The following PRDM1 variants were observed in gnomAD, a reference collection of about 807,000 sequenced individuals.
PRDM1 encodes PR/SET domain 1, also known as PR domain zinc finger protein 1.
In PRDM1, 13 loss-of-function variants were observed where a neutral mutation model predicts 62.8. The ratio of observed to expected loss-of-function variants is 0.21; its 90% CI spans 0.13 to 0.33. PRDM1 has a LOEUF of 0.33. Among genes scored for constraint, PRDM1 ranks in the 10% least tolerant of loss-of-function variants. PRDM1 has a pLI of 1.00. For missense variants in PRDM1, 895 were observed against 1,058.8 expected (o/e 0.85, Z 2.15); for synonymous variants, 396 against 417.6 (o/e 0.95, Z 0.63).
chr6:106,036,244 G>A (rs935422737), intron 1 of PRDM1, among the ~76,000 whole-genome samples: 1 of 152,030 alleles, frequency 6.6e-6, no homozygotes, highest in Admixed American at 6.6e-5. Flanking sequence ...TCCGTCCTAA[G>A]TTCAAGTGAT....
chr6:106,063,052 T>G (rs1044452675), intron 1 of PRDM1, among the ~76,000 whole-genome samples: 9 of 152,204 alleles, frequency 5.9e-5, no homozygotes, highest in African/African-American at 2.2e-4. Context: ...TTTCGTTGTG[T>G]TGTTTTCCTG....
Position 106,106,529 on chromosome 6 carries a change from G to T in PRDM1, c.1902+30G>T. 1 of 1,613,078 alleles carries T rather than the reference G, an allele frequency of 6.2e-7. No homozygotes were observed. The highest frequency in any genetic ancestry group is 1.1e-5 in the South Asian group (1 of 91,002). Reference sequence around the variant, plus strand: ...GCAGTATTTTCTGGGTAGACCTTCTGACCTTTGTAGAAAATGTCTGTGAGT... The same window carrying T: ...GCAGTATTTTCTGGGTAGACCTTCTTACCTTTGTAGAAAATGTCTGTGAGT... On this transcript the variant is annotated intron_variant, in intron 6 of 6. Coordinates refer to ENST00000369096, the MANE Select transcript of PRDM1 (RefSeq NM_001198.4). This position sits in a 1 kb window ranked among gnomAD's most constrained non-coding sequence, Gnocchi z 4.4.
chr6:106,105,042 C>T lies in PRDM1; in HGVS notation c.882C>T (p.Tyr294=), dbSNP rs1774413341. 1 of 1,614,188 alleles carries T rather than the reference C, an allele frequency of 6.2e-7. No homozygotes were observed. The highest frequency in any genetic ancestry group is 2.2e-5 in the East Asian group (1 of 44,874). ...GTGGGAGCCCCGAAATGCCCTTCTA[C>T]CCTCGGGTCGTTTACCCCATCCGGG... is the stretch of plus-strand genomic sequence containing the variant. ...RRRGSPEMPF[Y]PRVVYPIRAP... is the part of the protein sequence containing the mutation. The change falls in exon 5 of 7, where the codon TAC becomes TAT. Residue 294 remains tyrosine (Y), a synonymous_variant. Coordinates refer to ENST00000369096, the MANE Select transcript of PRDM1 (RefSeq NM_001198.4).
intron 1 of PRDM1, among the ~76,000 whole-genome samples, chr6:106,005,875 G>T (rs995145815): frequency 6.6e-6 from 1 of 152,064 alleles, no homozygotes; most frequent in South Asian, 2.1e-4. Flanking sequence ...AAAACTTTAC[G>T]GTTAGATATC....
At position 106,108,521 on chromosome 6, in the gene PRDM1, CTTT is replaced by C. The variant is rs5878868; in HGVS notation, c.*1054_*1056del. The C allele has an allele frequency of 0.023, 3,328 of 143,974 alleles. No homozygotes were observed. Among genetic ancestry groups the C allele is most frequent in the East Asian group, 0.079 (896 of 11,344 alleles). 8.9% of individuals were successfully genotyped at this position (143,974 alleles called of 1,614,324 possible). On this transcript the variant is annotated 3_prime_UTR_variant, in exon 7 of 7. Coordinates refer to ENST00000369096, the MANE Select transcript of PRDM1 (RefSeq NM_001198.4). ...GGTGTTTTGTTGTTGGTTTTTGTTG[CTTT>C]TTTTTTTTTTTTTTTTTTAATGTCA...
intron 1 of PRDM1, among the ~76,000 whole-genome samples, chr6:106,038,012 G>GTTTTT (rs1302119750): frequency 1.5e-4 from 3 of 20,524 alleles, no homozygotes; most frequent in Non-Finnish European, 2.8e-4. Context: ...TGCTATTTTT[G>GTTTTT]TCTTTTTTTT....
intron 2 of PRDM1, among the ~76,000 whole-genome samples, chr6:106,090,175 A>G (rs1434801203): frequency 6.6e-6 from 1 of 152,176 alleles, no homozygotes; most frequent in Non-Finnish European, 1.5e-5. Flanking sequence ...ATTATGCTAC[A>G]CTGGCCCCTC....
At chr6:106,035,235 G>A (rs922421221) in intron 1 of PRDM1, among the ~76,000 whole-genome samples, 4 of 152,106 alleles carry the variant, frequency 2.6e-5, no homozygotes, top group African/African-American at 4.8e-5. Flanking sequence ...GTTACTAGGT[G>A]TTTAAATGTT....
chr6:106,068,781 T>C (rs1773470771), intron 1 of PRDM1, among the ~76,000 whole-genome samples: 1 of 152,230 alleles, frequency 6.6e-6, no homozygotes. Context: ...CAGGCATTTT[T>C]CTTTCCCCAC....
chr6:106,090,186 T>G (rs1451788372), intron 2 of PRDM1, among the ~76,000 whole-genome samples: 1 of 152,238 alleles, frequency 6.6e-6, no homozygotes, highest in African/African-American at 2.4e-5. Context: ...CTGGCCCCTC[T>G]TGGTGTCACT....
At chr6:106,005,997 ACT>A (rs1436173828) in intron 1 of PRDM1, among the ~76,000 whole-genome samples, 1 of 152,140 alleles carries the variant, frequency 6.6e-6, no homozygotes, top group East Asian at 1.9e-4. Flanking sequence ...TGGTTTTGTG[ACT>A]CTAGATGAGG....
upstream of PRDM1, among the ~76,000 whole-genome samples, chr6:106,082,750 AG>A (rs1773714309): frequency 6.6e-6 from 1 of 152,196 alleles, no homozygotes; most frequent in Non-Finnish European, 1.5e-5. Flanking sequence ...AACATCCAAC[AG>A]CCCCTGAAGG....
At chr6:106,082,237 G>A (rs1773706645), upstream of PRDM1, among the ~76,000 whole-genome samples, 1 of 152,200 alleles carries the variant, frequency 6.6e-6, no homozygotes, top group Admixed American at 6.5e-5. Flanking sequence ...AGGTTAGGAA[G>A]TGTCTTCTGA....
At chr6:106,019,507 GA>G (rs766098511) in intron 1 of PRDM1, among the ~76,000 whole-genome samples, 23 of 151,452 alleles carry the variant, frequency 1.5e-4, no homozygotes, top group Admixed American at 5.9e-4. Flanking sequence ...ATGCCAAAAA[GA>G]AGCTAGCTAA....
intron 1 of PRDM1, among the ~76,000 whole-genome samples, chr6:106,069,959 A>G (rs1413023012): frequency 2.0e-5 from 3 of 152,324 alleles, no homozygotes; most frequent in African/African-American, 7.2e-5. Context: ...AAATAGATTT[A>G]ATGCAATTCT....
Position 105,994,494 on chromosome 6 carries a change from C to G in PRDM1, c.-67+855C>G, listed in dbSNP as rs1455001385. Among the ~76,000 whole-genome samples, 1 of 152,152 alleles carries G rather than the reference C, an allele frequency of 6.6e-6. No individual in the cohort carries two copies. The highest frequency in any genetic ancestry group is 2.4e-5 in the African/African-American group (1 of 41,436). On this transcript the variant is annotated intron_variant, in intron 1 of 6. Transcript: ENST00000652320. The surrounding 1 kb of genome is among the most constrained non-coding windows in gnomAD (Gnocchi z 4.1). ...TTCTTGTTCTCCGAGCTCGAGCCCC[C>G]TTTTAAAAAGTCGCTCACCAAAAAC...
chr6:106,006,558 G>A (rs1772485863), intron 1 of PRDM1, among the ~76,000 whole-genome samples: 1 of 151,770 alleles, frequency 6.6e-6, no homozygotes, highest in African/African-American at 2.4e-5. Context: ...ACCCTCCCAG[G>A]AGTTATCTCC....
upstream of PRDM1, among the ~76,000 whole-genome samples, chr6:105,993,268 G>A (rs1722163413): frequency 6.6e-6 from 1 of 152,206 alleles, no homozygotes; most frequent in Non-Finnish European, 1.5e-5. Flanking sequence ...GGGATGTTTA[G>A]CTGGCATCTC....
rs36077280 is a variant in PRDM1, at chr6:106,109,091, C to CAAAAAAAA, written c.*1620_*1627dup. On this transcript the variant is annotated 3_prime_UTR_variant, in exon 7 of 7. Transcript: ENST00000369096. ...GTAAAAGATCTACTTTTTCTAAGGG[C>CAAAAAAAA]AAAAAAAAAAAAAAAAAAAAAAGAA... is the stretch of plus-strand genomic sequence containing the variant. The CAAAAAAAA allele has an allele frequency of 1.5e-4, 18 of 117,350 alleles. No individual in the cohort carries two copies. The highest frequency in any genetic ancestry group is 2.1e-4 in the Admixed American group (2 of 9,706). 7.3% of individuals were successfully genotyped at this position (117,350 alleles called of 1,614,324 possible).
Sources: gnomAD v4.1 joint callset for allele counts (sites outside exome capture counted in the v4.1 genomes callset) on GRCh38, gnomAD v4.1.1 for gene constraint, Gnocchi (gnomAD v3.1) non-coding constraint, MANE v1.5 for transcripts, NCBI Gene and HGNC (gene_info 2026-07-23, HGNC 2026-07-21) for gene names.